CYP7B1: variants seen among roughly 807,000 people sequenced by gnomAD.
The protein encoded by CYP7B1 is cytochrome P450 family 7 subfamily B member 1.
Under a neutral mutation model 42.7 loss-of-function variants are expected in CYP7B1, and 29 were observed. The ratio of observed to expected loss-of-function variants is 0.68; its 90% CI spans 0.51 to 0.93. The LOEUF is 0.93. Among genes scored for constraint, CYP7B1 ranks in the 40% least tolerant of loss-of-function variants. The probability of loss-of-function intolerance (pLI) is 0.00; values close to 1 mark genes in which losing one functional copy is unlikely to be tolerated. For missense variants in CYP7B1, 655 were observed against 600.5 expected (o/e 1.09, Z -0.95); for synonymous variants, 235 against 218.2 (o/e 1.08, Z -0.68).
intron 1 of CYP7B1, among the ~76,000 whole-genome samples, chr8:64,768,703 G>A (rs1804153860): frequency 6.6e-6 from 1 of 152,118 alleles, no homozygotes; most frequent in Admixed American, 6.5e-5. Context: ...GTGACCCATA[G>A]CAGCAAAGTA....
chr8:64,716,996 A>C (rs1807165603), intron 1 of CYP7B1, among the ~76,000 whole-genome samples: 1 of 152,190 alleles, frequency 6.6e-6, no homozygotes, highest in South Asian at 2.1e-4. Flanking sequence ...TTAAAGTTCT[A>C]TCATAAAGTG....
chr8:64,639,441 A>T (rs1454802341), intron 1 of CYP7B1, among the ~76,000 whole-genome samples: 2 of 152,124 alleles, frequency 1.3e-5, no homozygotes, highest in African/African-American at 2.4e-5. Flanking sequence ...AATCTGATTT[A>T]AAAAATGGGC....
rs371121754 is a variant in CYP7B1, at chr8:64,691,913, C to A, written c.123-67374G>T. On this transcript the variant is annotated intron_variant, in intron 1 of 5. Transcript: ENST00000310193. The stretch of plus-strand genomic sequence containing the variant: ...TTACTGTGAACACCCAAAGGGCCAC[C>A]TTTCTGACATACCTCAAACATGTTT... Among the ~76,000 whole-genome samples, 83 of 152,316 alleles carry A rather than the reference C, an allele frequency of 5.4e-4. 5 individuals carry two copies. In the South Asian group the frequency reaches 0.017, roughly 30 times the overall value.
At chr8:64,651,830 T>G (rs532822567) in intron 1 of CYP7B1, among the ~76,000 whole-genome samples, 1 of 152,154 alleles carries the variant, frequency 6.6e-6, no homozygotes, top group Admixed American at 6.5e-5. Flanking sequence ...AGAAATAAAT[T>G]TGTGGCTTAT....
Position 64,615,757 on chromosome 8 carries a change from C to G in CYP7B1, c.784G>C (p.Glu262Gln), listed in dbSNP as rs113930282. ...EKLAKMQGWS[E>Q]VFQSRQDVLE... is the part of the protein sequence containing the mutation. ...ACATCTTGCCTGCTTTGAAAAACTT[C>G]TGACCATCCTTGCATCTTGGCTAAC... is the stretch of plus-strand genomic sequence containing the variant. Residue 262 changes from glutamate to glutamine, a missense_variant, in exon 3 of 6, where the codon GAA (glutamate) becomes CAA (glutamine). Coordinates refer to ENST00000310193, the MANE Select transcript of CYP7B1 (RefSeq NM_004820.5). 3 of 1,613,778 alleles carry G rather than the reference C, an allele frequency of 1.9e-6. No individual in the cohort carries two copies. Among genetic ancestry groups the G allele is most frequent in the Non-Finnish European group, 8.5e-7 (1 of 1,179,778 alleles).
At chr8:64,640,873 G>A (rs1805842544) in intron 1 of CYP7B1, among the ~76,000 whole-genome samples, 1 of 152,130 alleles carries the variant, frequency 6.6e-6, no homozygotes, top group African/African-American at 2.4e-5. Flanking sequence ...CACTTGTGAT[G>A]AGCCCAGAGG....
At chr8:64,696,774 A>G (rs1806835324) in intron 1 of CYP7B1, among the ~76,000 whole-genome samples, 1 of 152,080 alleles carries the variant, frequency 6.6e-6, no homozygotes, top group South Asian at 2.1e-4. Context: ...TTTCTGAAGC[A>G]CTGGTTAACT....
At position 64,591,813 on chromosome 8, in the gene CYP7B1, C is replaced by T. The variant is rs16931334; in HGVS notation, c.*4829G>A. ...TTAGTTTCTGCTGAGTGTTTCATTACGTTGGTCATTGATATAAAACAATAT... is the reference window on the plus strand; with the variant it reads ...TTAGTTTCTGCTGAGTGTTTCATTATGTTGGTCATTGATATAAAACAATAT... On this transcript the variant is annotated 3_prime_UTR_variant, in exon 6 of 6. Coordinates refer to ENST00000310193, the MANE Select transcript of CYP7B1 (RefSeq NM_004820.5). 0.2 allele frequency among the ~76,000 whole-genome samples: 30,435 copies of T among 151,996 alleles called. 3,173 individuals carry two copies. The highest frequency in any genetic ancestry group is 0.32 in the East Asian group (1,639 of 5,174).
At chr8:64,668,251 G>A (rs1446473144) in intron 1 of CYP7B1, among the ~76,000 whole-genome samples, 3 of 152,056 alleles carry the variant, frequency 2.0e-5, no homozygotes, top group East Asian at 3.9e-4. Flanking sequence ...TCACTCACAC[G>A]CTATTGAAAG....
chr8:64,749,589 G>A (rs1389143297), intron 1 of CYP7B1, among the ~76,000 whole-genome samples: 1 of 152,220 alleles, frequency 6.6e-6, no homozygotes, highest in Non-Finnish European at 1.5e-5. Flanking sequence ...AGATACGTAA[G>A]AAACTCTGGG....
rs1805041566 is a variant in CYP7B1, at chr8:64,591,917, G to A, written c.*4725C>T. 1.3e-5 allele frequency among the ~76,000 whole-genome samples: 2 copies of A among 152,150 alleles called. No homozygotes were observed. The highest frequency in any genetic ancestry group is 6.5e-5 in the Admixed American group (1 of 15,282). On this transcript the variant is annotated 3_prime_UTR_variant, in exon 6 of 6. Transcript: ENST00000310193. ...AAATGAAAAGATGGGGGCGGGCACG[G>A]TGGCTCATGTCTGCAACCCCAGCAC...
chr8:64,713,919 T>C (rs1229118363), intron 1 of CYP7B1, among the ~76,000 whole-genome samples: 1 of 152,214 alleles, frequency 6.6e-6, no homozygotes, highest in Non-Finnish European at 1.5e-5. Context: ...AATTTAATAA[T>C]TGTAAACATC....
chr8:64,764,003 T>C (rs112469928), intron 1 of CYP7B1, among the ~76,000 whole-genome samples: 2,282 of 151,890 alleles, frequency 0.015, 52 homozygotes, highest in African/African-American at 0.051. Context: ...CAAAGAGATC[T>C]AAGGAAGCTC....
rs544914193 is a variant in CYP7B1, at chr8:64,750,167, G to C, written c.122+48299C>G. Among the ~76,000 whole-genome samples, 18 of 152,242 alleles carry C rather than the reference G, an allele frequency of 1.2e-4. No individual in the cohort carries two copies. The South Asian group carries it at 3.7e-3, about 32-fold the overall frequency. ...CTTTTTTATTTGCAGGTTAGGGGTG[G>C]GTAGATGAGACAGAGGATATGAACA... is the stretch of plus-strand genomic sequence containing the variant. On this transcript the variant is annotated intron_variant, in intron 1 of 5. Coordinates refer to ENST00000310193, the MANE Select transcript of CYP7B1 (RefSeq NM_004820.5).
At chr8:64,703,261 A>T (rs1806944636) in intron 1 of CYP7B1, among the ~76,000 whole-genome samples, 1 of 152,026 alleles carries the variant, frequency 6.6e-6, no homozygotes, top group Non-Finnish European at 1.5e-5. Context: ...GACAGCTCCT[A>T]TTCAAAAGGA....
intron 1 of CYP7B1, among the ~76,000 whole-genome samples, chr8:64,756,315 T>C (rs1807807943): frequency 6.6e-6 from 1 of 152,228 alleles, no homozygotes. Flanking sequence ...TGAAATGTCT[T>C]TAATTGGGTA....
intron 1 of CYP7B1, among the ~76,000 whole-genome samples, chr8:64,761,825 G>T (rs1346270043): frequency 6.6e-6 from 1 of 152,152 alleles, no homozygotes; most frequent in African/African-American, 2.4e-5. Context: ...ATTTGGGTTT[G>T]TTCCCCAAAA....
chr8:64,726,485 C>T (rs140236157), intron 1 of CYP7B1, among the ~76,000 whole-genome samples: 54 of 152,294 alleles, frequency 3.5e-4, no homozygotes, highest in African/African-American at 1.3e-3. Context: ...ATAAAAGCAA[C>T]CTCCTATTGG....
At chr8:64,713,483 G>C (rs1458468621) in intron 1 of CYP7B1, among the ~76,000 whole-genome samples, 1 of 151,572 alleles carries the variant, frequency 6.6e-6, no homozygotes, top group Non-Finnish European at 1.5e-5. Context: ...ATTTGTTCAA[G>C]AATAGAGAAA....
Sources: allele counts gnomAD v4.1 joint callset (sites outside exome capture counted in the v4.1 genomes callset), GRCh38; gene constraint gnomAD v4.1.1; transcripts MANE v1.5; gene names NCBI Gene and HGNC (gene_info 2026-07-23, HGNC 2026-07-21).